The following NAALADL2 variants were observed in gnomAD, a reference collection of about 807,000 sequenced individuals.
The protein encoded by NAALADL2 is inactive N-acetylated-alpha-linked acidic dipeptidase-like protein 2.
A neutral mutation model predicts 87.2 loss-of-function variants in NAALADL2; 76 were observed. That is an observed-to-expected ratio of 0.87 (90% CI 0.72 to 1.05). The LOEUF (loss-of-function observed/expected upper bound fraction) is 1.05. Ranked by LOEUF, NAALADL2 falls within the 50% of genes least tolerant of loss-of-function variation. The pLI is 0.00. For missense variants in NAALADL2, 1,089 were observed against 945.8 expected, an observed-to-expected ratio of 1.15 and a Z score of -1.99; for synonymous variants, 354 against 331.0, an observed-to-expected ratio of 1.07 and a Z score of -0.75.
chr3:175,160,360 C>CTTTTT lies in NAALADL2; in HGVS notation c.545+63093_545+63097dup, dbSNP rs71164618. 5.2e-3 allele frequency among the ~76,000 whole-genome samples: 295 copies of CTTTTT among 57,034 alleles called. 26 individuals are homozygous for CTTTTT. Among genetic ancestry groups the CTTTTT allele is most frequent in the Middle Eastern group, 0.018 (1 of 56 alleles). 37.4% of individuals were successfully genotyped at this position (57,034 alleles called of 152,430 possible). ...TATATTATATGTGTATCTTTTCTTT[C>CTTTTT]TTTTTTTTTTTTTTTTTTTTTTTTT... On this transcript the variant is annotated intron_variant, in intron 2 of 13. Coordinates refer to ENST00000454872, the MANE Select transcript of NAALADL2 (RefSeq NM_207015.3).
intron 2 of NAALADL2, among the ~76,000 whole-genome samples, chr3:175,232,899 T>TA (rs558796035): frequency 2.2e-3 from 173 of 79,312 alleles, no homozygotes; most frequent in South Asian, 0.012. Flanking sequence ...GCCACAAAAT[T>TA]AAAAAAAAAC....
intron 5 of NAALADL2, among the ~76,000 whole-genome samples, chr3:175,325,373 T>C (rs997422495): frequency 6.6e-6 from 1 of 152,210 alleles, no homozygotes; most frequent in Non-Finnish European, 1.5e-5. Context: ...TCCATGTAAA[T>C]TTTCTCTGGG....
intron 3 of NAALADL2, among the ~76,000 whole-genome samples, chr3:174,849,162 A>C (rs746858421): frequency 9.2e-5 from 14 of 152,330 alleles, no homozygotes; most frequent in Non-Finnish European, 1.6e-4. Context: ...CTAGGACATT[A>C]CTGTAAACTA....
chr3:174,564,600 A>G (rs1012705123), intron 2 of NAALADL2, among the ~76,000 whole-genome samples: 1 of 152,166 alleles, frequency 6.6e-6, no homozygotes, highest in African/African-American at 2.4e-5. Context: ...GTGGTGTGTC[A>G]GTCTCTTTTA....
At chr3:175,704,642 T>C (rs1015480047) in intron 11 of NAALADL2, among the ~76,000 whole-genome samples, 7 of 152,176 alleles carry the variant, frequency 4.6e-5, no homozygotes, top group African/African-American at 1.7e-4. Flanking sequence ...ACAGAGTCTT[T>C]CCACATACAA....
At position 175,803,399 on chromosome 3, in the gene NAALADL2, A is replaced by T. The variant is rs1754425237; in HGVS notation, c.*196A>T. 5.2e-6 allele frequency: 2 copies of T among 387,182 alleles called. No individual in the cohort carries two copies. Among genetic ancestry groups the T allele is most frequent in the Admixed American group, 8.4e-5 (2 of 23,952 alleles). 24.0% of individuals were successfully genotyped at this position (387,182 alleles called of 1,614,324 possible). A position where few individuals can be genotyped will look rare whatever the true frequency, so the allele number is the denominator to read the frequency against. On this transcript the variant is annotated 3_prime_UTR_variant, in exon 14 of 14. Transcript: ENST00000454872. ...CATTTAATATTTTTCTTATATCTAC[A>T]TTTCTGAATATGTAAAGCAAGTTAT...
intron 5 of NAALADL2, among the ~76,000 whole-genome samples, chr3:175,396,507 C>G (rs1769807408): frequency 1.3e-5 from 2 of 151,548 alleles, no homozygotes; most frequent in African/African-American, 4.8e-5. Flanking sequence ...GTTATTAGAT[C>G]AAGTAGATTG....
At chr3:175,571,650 T>C (rs114755045) in intron 9 of NAALADL2, among the ~76,000 whole-genome samples, 2,263 of 152,276 alleles carry the variant, frequency 0.015, 58 homozygotes, top group African/African-American at 0.05. Context: ...GGATTGAATA[T>C]AGATTTACAA....
At chr3:175,499,065 T>G (rs4894489) in intron 9 of NAALADL2, among the ~76,000 whole-genome samples, 2 of 151,904 alleles carry the variant, frequency 1.3e-5, no homozygotes, top group Non-Finnish European at 2.9e-5. Flanking sequence ...TACATACTTA[T>G]TATGCATTTT....
At chr3:175,783,601 G>C (rs981704523) in intron 13 of NAALADL2, among the ~76,000 whole-genome samples, 1 of 151,918 alleles carries the variant, frequency 6.6e-6, no homozygotes, top group African/African-American at 2.4e-5. Flanking sequence ...GGAGATTTTG[G>C]GCTGAGACAT....
At chr3:175,064,004 A>G (rs1200401590) in intron 1 of NAALADL2, among the ~76,000 whole-genome samples, 2 of 152,102 alleles carry the variant, frequency 1.3e-5, no homozygotes, top group African/African-American at 2.4e-5. Flanking sequence ...AATAGTCAAA[A>G]TTCTGTGATG....
chr3:174,787,594 T>TATATAC (rs1553855386), intron 3 of NAALADL2, among the ~76,000 whole-genome samples: 6 of 65,908 alleles, frequency 9.1e-5, no homozygotes, highest in Non-Finnish European at 1.6e-4. Flanking sequence ...TATATATATA[T>TATATAC]ATATATATAT....
intron 5 of NAALADL2, 66 bp downstream of exon 5, chr3:175,324,391 A>C: frequency 8.0e-7 from 1 of 1,247,866 alleles, no homozygotes; most frequent in African/African-American, 1.5e-5. Flanking sequence ...TTTATAAATA[A>C]ATGCTATCTA....
intron 2 of NAALADL2, among the ~76,000 whole-genome samples, chr3:174,554,410 C>T (rs529437841): frequency 1.3e-4 from 20 of 151,848 alleles, no homozygotes; most frequent in African/African-American, 3.4e-4. Context: ...TGTTGAACAT[C>T]GACACCCCTT....
intron 5 of NAALADL2, among the ~76,000 whole-genome samples, chr3:175,419,773 A>G (rs1002619443): frequency 5.3e-5 from 8 of 152,072 alleles, no homozygotes; most frequent in Middle Eastern, 6.8e-3. Context: ...GAAGAGTGTT[A>G]TATTGGGGAA....
At chr3:175,118,057 C>T (rs1725548462) in intron 2 of NAALADL2, among the ~76,000 whole-genome samples, 1 of 151,808 alleles carries the variant, frequency 6.6e-6, no homozygotes, top group Non-Finnish European at 1.5e-5. Flanking sequence ...CAGGTGGGAA[C>T]TGAACAATGA....
chr3:175,521,281 A>G (rs1464871289), intron 9 of NAALADL2, among the ~76,000 whole-genome samples: 2 of 152,240 alleles, frequency 1.3e-5, no homozygotes, highest in East Asian at 1.9e-4. Context: ...TTAACTTGAG[A>G]CAAAAGAAAT....
chr3:174,660,122 G>A (rs959353093), intron 2 of NAALADL2, among the ~76,000 whole-genome samples: 9 of 152,046 alleles, frequency 5.9e-5, no homozygotes, highest in Admixed American at 1.3e-4. Context: ...TACTGTTCTG[G>A]AATATTTTCC....
At chr3:175,073,643 T>C (rs1403171829) in intron 1 of NAALADL2, among the ~76,000 whole-genome samples, 1 of 152,088 alleles carries the variant, frequency 6.6e-6, no homozygotes, top group East Asian at 1.9e-4. Context: ...GTGAAGAATG[T>C]ATTTCAAGTC....
Sources: allele counts gnomAD v4.1 joint callset (sites outside exome capture counted in the v4.1 genomes callset), GRCh38; gene constraint gnomAD v4.1.1; transcripts MANE v1.5; gene names NCBI Gene and HGNC (gene_info 2026-07-23, HGNC 2026-07-21).